Variants in ADGRG6 observed in about 807,000 individuals in gnomAD.
The protein encoded by ADGRG6 is G-protein coupled receptor 126.
In ADGRG6, 84 loss-of-function variants were observed where a neutral mutation model predicts 142.4. That is an observed-to-expected ratio of 0.59 (90% CI 0.49 to 0.71). ADGRG6 has a LOEUF of 0.71. Ranked by LOEUF, ADGRG6 falls within the 30% of genes least tolerant of loss-of-function variation. The pLI is 0.00. For missense variants in ADGRG6, 1,367 were observed against 1,466.6 expected, an observed-to-expected ratio of 0.93 and a Z score of 1.11; for synonymous variants, 521 against 520.5, an observed-to-expected ratio of 1.00 and a Z score of -0.01.
chr6:142,401,285 A>G (rs1012736889), intron 11 of ADGRG6, among the ~76,000 whole-genome samples: 1 of 152,234 alleles, frequency 6.6e-6, no homozygotes, highest in African/African-American at 2.4e-5. Flanking sequence ...ATGTGGCTCC[A>G]TCTCTTCCTG....
At chr6:142,377,221 C>T (rs1467870026) in intron 4 of ADGRG6, among the ~76,000 whole-genome samples, 2 of 152,180 alleles carry the variant, frequency 1.3e-5, no homozygotes, top group Non-Finnish European at 2.9e-5. Context: ...TAGAGCAGGA[C>T]TTTATTGGGC....
Position 142,319,152 on chromosome 6 carries a change from C to T in ADGRG6, c.103+9508C>T, listed in dbSNP as rs78377752. On this transcript the variant is annotated intron_variant, in intron 2 of 24. Coordinates refer to ENST00000367609, the MANE Select transcript of ADGRG6 (RefSeq NM_198569.3). ...CTTAGTTTCCTCATTGGTGAACAGC[C>T]CTGACACACATATTGAAAACCTGGA... Among the ~76,000 whole-genome samples the T allele has an allele frequency of 9.6e-3, 1,458 of 152,186 alleles. 22 individuals carry two copies. The highest frequency in any genetic ancestry group is 0.059 in the East Asian group (303 of 5,170).
intron 2 of ADGRG6, among the ~76,000 whole-genome samples, chr6:142,352,477 G>T (rs1780233522): frequency 6.6e-6 from 1 of 152,084 alleles, no homozygotes; most frequent in South Asian, 2.1e-4. Context: ...TGGGGAGGAT[G>T]GAAAGAGGGT....
intron 23 of ADGRG6, chr6:142,437,967 A>G (rs1282184131): frequency 1.2e-5 from 4 of 331,304 alleles, no homozygotes; most frequent in Admixed American, 4.8e-5. Context: ...TTTTCTTTTT[A>G]CTGTCAGTGG....
At chr6:142,304,260 C>T (rs1582946514) in intron 1 of ADGRG6, among the ~76,000 whole-genome samples, 1 of 152,144 alleles carries the variant, frequency 6.6e-6, no homozygotes, top group Admixed American at 6.5e-5. Context: ...TTTTCTGCCT[C>T]CTCCTTGTGG....
intron 2 of ADGRG6, among the ~76,000 whole-genome samples, chr6:142,334,900 A>G (rs1423037258): frequency 6.6e-6 from 1 of 152,232 alleles, no homozygotes; most frequent in Non-Finnish European, 1.5e-5. Flanking sequence ...TGTTAGAGGG[A>G]AATAAACAAA....
intron 9 of ADGRG6, among the ~76,000 whole-genome samples, chr6:142,395,255 G>A (rs1347162715): frequency 6.6e-6 from 1 of 152,078 alleles, no homozygotes; most frequent in Admixed American, 6.6e-5. Context: ...TTTCAGTACT[G>A]TATTCTTGAA....
At chr6:142,392,870 A>G in intron 7 of ADGRG6, 78 bp from the exon 8 acceptor site, 1 of 944,786 alleles carries the variant, frequency 1.1e-6, no homozygotes, top group Non-Finnish European at 1.7e-6. Flanking sequence ...GTAACAACTT[A>G]TGTTTTAGGT....
intron 22 of ADGRG6, among the ~76,000 whole-genome samples, chr6:142,423,953 A>T (rs1776803463): frequency 2.7e-5 from 1 of 37,290 alleles, no homozygotes; most frequent in Non-Finnish European, 5.3e-5. Flanking sequence ...GAGTTCACTC[A>T]TGATTTGGCT....
intron 14 of ADGRG6, chr6:142,405,251 A>G: frequency 2.3e-6 from 1 of 439,624 alleles, no homozygotes; most frequent in Non-Finnish European, 4.5e-6. Flanking sequence ...ATGCTATCTG[A>G]GAGTGTTCAT....
chr6:142,391,586 A>T (rs762581701), intron 7 of ADGRG6, among the ~76,000 whole-genome samples: 1 of 151,738 alleles, frequency 6.6e-6, no homozygotes, highest in Non-Finnish European at 1.5e-5. Context: ...GTAGGTAATT[A>T]ACTCTGTTAC....
chr6:142,338,728 T>G (rs903674593), intron 2 of ADGRG6, among the ~76,000 whole-genome samples: 1 of 152,124 alleles, frequency 6.6e-6, no homozygotes, highest in African/African-American at 2.4e-5. Context: ...AATTTTATAA[T>G]CCTGTAATCT....
At chr6:142,360,628 G>T (rs1338131374) in intron 2 of ADGRG6, among the ~76,000 whole-genome samples, 1 of 151,954 alleles carries the variant, frequency 6.6e-6, no homozygotes, top group Non-Finnish European at 1.5e-5. Flanking sequence ...TCATCTTTGT[G>T]CTCTACATTT....
intron 2 of ADGRG6, among the ~76,000 whole-genome samples, chr6:142,347,356 C>T (rs1012294829): frequency 1.3e-5 from 2 of 152,148 alleles, no homozygotes; most frequent in Admixed American, 6.5e-5. Flanking sequence ...GACTATCTCT[C>T]TACTTGGGAA....
intron 9 of ADGRG6, among the ~76,000 whole-genome samples, chr6:142,394,729 G>A (rs1248168174): frequency 2.0e-5 from 3 of 151,800 alleles, no homozygotes; most frequent in Non-Finnish European, 4.4e-5. Context: ...CTACACACAT[G>A]TGCTAGCATA....
At chr6:142,423,287 T>G (rs1776754235) in intron 22 of ADGRG6, among the ~76,000 whole-genome samples, 1 of 146,588 alleles carries the variant, frequency 6.8e-6, no homozygotes, top group South Asian at 2.2e-4. Flanking sequence ...TCTAGGGTTT[T>G]TATGGTTTTA....
intron 24 of ADGRG6, among the ~76,000 whole-genome samples, chr6:142,439,022 A>G (rs1777618725): frequency 6.6e-6 from 1 of 152,200 alleles, no homozygotes; most frequent in African/African-American, 2.4e-5. Flanking sequence ...GCTATGACAC[A>G]TGCCTGGAGT....
At chr6:142,432,086 T>G (rs1001770720) in intron 22 of ADGRG6, among the ~76,000 whole-genome samples, 2 of 152,002 alleles carry the variant, frequency 1.3e-5, no homozygotes, top group African/African-American at 4.8e-5. Context: ...ACCCTCAACC[T>G]CAGAATTTAA....
intron 14 of ADGRG6, among the ~76,000 whole-genome samples, chr6:142,405,100 C>T (rs1237202492): frequency 1.3e-5 from 2 of 152,164 alleles, no homozygotes; most frequent in Admixed American, 6.5e-5. Context: ...ACAGGCAAGA[C>T]CTTTTTTCTC....
Sources: allele counts gnomAD v4.1 joint callset (sites outside exome capture counted in the v4.1 genomes callset), GRCh38; gene constraint gnomAD v4.1.1; transcripts MANE v1.5; gene names NCBI Gene and HGNC (gene_info 2026-07-23, HGNC 2026-07-21).